MAPRE2: variants seen among roughly 807,000 people sequenced by gnomAD.
The protein encoded by MAPRE2 is microtubule associated protein RP/EB family member 2.
A neutral mutation model predicts 43.2 loss-of-function variants in MAPRE2; 13 were observed. The ratio of observed to expected loss-of-function variants is 0.30; its 90% CI spans 0.20 to 0.48. The LOEUF (loss-of-function observed/expected upper bound fraction) is 0.48. Ranked by LOEUF, MAPRE2 falls within the 20% of genes least tolerant of loss-of-function variation. MAPRE2 has a pLI of 0.99. For missense variants in MAPRE2, 161 were observed against 400.2 expected, an observed-to-expected ratio of 0.40 and a Z score of 5.10; for synonymous variants, 135 against 148.8, an observed-to-expected ratio of 0.91 and a Z score of 0.68.
At chr18:34,996,154 A>T (rs1358062539) in intron 1 of MAPRE2, among the ~76,000 whole-genome samples, 1 of 152,118 alleles carries the variant, frequency 6.6e-6, no homozygotes, top group African/African-American at 2.4e-5. Context: ...CCTGCTGTCA[A>T]TATCATTGCC....
intron 1 of MAPRE2, chr18:35,005,476 A>G (rs781514413): frequency 1.2e-5 from 18 of 1,497,512 alleles, no homozygotes; most frequent in Non-Finnish European, 9.0e-7. Context: ...TTTTTCTTCC[A>G]TTTTTACTAT....
intron 4 of MAPRE2, among the ~76,000 whole-genome samples, chr18:35,112,479 T>A (rs1289137598): frequency 1.3e-5 from 2 of 152,148 alleles, no homozygotes; most frequent in African/African-American, 4.8e-5. Flanking sequence ...CAGAACATTG[T>A]TTCTTTTACC....
intron 2 of MAPRE2, among the ~76,000 whole-genome samples, chr18:35,030,655 G>C (rs1394355808): frequency 6.6e-6 from 1 of 152,168 alleles, no homozygotes; most frequent in African/African-American, 2.4e-5. Context: ...TGTGATTAGA[G>C]AATATTCCAC....
At chr18:35,018,939 T>C (rs1451651416) in intron 2 of MAPRE2, among the ~76,000 whole-genome samples, 1 of 151,940 alleles carries the variant, frequency 6.6e-6, no homozygotes, top group Non-Finnish European at 1.5e-5. Flanking sequence ...GTCCTTCTTT[T>C]TGAGGTAGGC....
intron 1 of MAPRE2, among the ~76,000 whole-genome samples, chr18:35,063,922 C>T (rs1272340716): frequency 2.1e-5 from 3 of 145,008 alleles, no homozygotes; most frequent in Non-Finnish European, 4.5e-5. Flanking sequence ...TGCTTTAGCC[C>T]AGGAGATTGA....
chr18:35,013,180 G>A (rs8097686), intron 2 of MAPRE2, among the ~76,000 whole-genome samples: 14 of 152,070 alleles, frequency 9.2e-5, no homozygotes, highest in Non-Finnish European at 2.1e-4. Context: ...AGTTGAGGAG[G>A]AAGGGAGAAA....
intron 4 of MAPRE2, among the ~76,000 whole-genome samples, chr18:35,104,920 C>G (rs953288521): frequency 2.6e-5 from 4 of 151,916 alleles, no homozygotes; most frequent in Non-Finnish European, 5.9e-5. Context: ...AGCTTGGACT[C>G]GAAACTCAAC....
chr18:35,120,997 C>T (rs1031345329), intron 4 of MAPRE2, among the ~76,000 whole-genome samples: 8 of 152,052 alleles, frequency 5.3e-5, no homozygotes, highest in South Asian at 2.1e-4. Context: ...TGTGTGCACA[C>T]GCTCATGTTT....
intron 1 of MAPRE2, among the ~76,000 whole-genome samples, chr18:34,982,467 G>A (rs2097016929): frequency 6.6e-6 from 1 of 152,014 alleles, no homozygotes; most frequent in Non-Finnish European, 1.5e-5. Context: ...TGGAGGCCAC[G>A]AAGAATAAAT....
intron 1 of MAPRE2, among the ~76,000 whole-genome samples, chr18:34,980,023 C>CTTTTTTTTTTTTTTTTTTTTT (rs1450524683): frequency 2.3e-5 from 3 of 132,502 alleles, no homozygotes; most frequent in Admixed American, 7.5e-5. Context: ...TTTTCTTTTT[C>CTTTTTTTTTTTTTTTTTTTTT]TTTTTTTCTT....
intron 1 of MAPRE2, among the ~76,000 whole-genome samples, chr18:34,977,613 G>A (rs1278292856): frequency 6.6e-6 from 1 of 152,200 alleles, no homozygotes; most frequent in Non-Finnish European, 1.5e-5. Context: ...AGCATCCCCT[G>A]GACCCCGGGC....
rs1358506392 is a variant in MAPRE2 at position 34,999,938 on chromosome 18, T to G, written c.-69-5554T>G. On this transcript the variant is annotated intron_variant, in intron 1 of 7. Transcript: ENST00000413393. The stretch of plus-strand genomic sequence containing the variant: ...GGCCCTGAGCCCAACCCAAGACCAT[T>G]AATTGAGGCAGTGCGTGGCGGCGGA... 2.0e-5 allele frequency among the ~76,000 whole-genome samples: 3 copies of G among 151,668 alleles called. No individual in the cohort carries two copies. The South Asian group carries it at 6.3e-4, about 32-fold the overall frequency.
At chr18:35,020,539 T>C (rs1476506935) in intron 2 of MAPRE2, among the ~76,000 whole-genome samples, 1 of 130,476 alleles carries the variant, frequency 7.7e-6, no homozygotes, top group Non-Finnish European at 1.7e-5. Context: ...AGAAAAGCTT[T>C]CCTTGGCTTG....
chr18:35,036,636 G>T (rs371221984), upstream of MAPRE2, among the ~76,000 whole-genome samples: 2 of 152,062 alleles, frequency 1.3e-5, no homozygotes, highest in African/African-American at 4.8e-5. Context: ...CCTCTACACT[G>T]CCATTCCTCT....
At chr18:35,014,230 G>A (rs368232083) in intron 2 of MAPRE2, among the ~76,000 whole-genome samples, 17 of 152,130 alleles carry the variant, frequency 1.1e-4, no homozygotes, top group South Asian at 6.2e-4. Context: ...TGGTAGGGTC[G>A]GAGATATAAG....
At chr18:35,116,792 G>A (rs1238746654) in intron 4 of MAPRE2, among the ~76,000 whole-genome samples, 2 of 152,164 alleles carry the variant, frequency 1.3e-5, no homozygotes, top group Admixed American at 6.5e-5. Flanking sequence ...TGTTCTGTGG[G>A]TTAGAGTCAG....
At chr18:35,004,698 G>A (rs1156452941) in intron 1 of MAPRE2, among the ~76,000 whole-genome samples, 3 of 152,152 alleles carry the variant, frequency 2.0e-5, no homozygotes, top group East Asian at 3.9e-4. Context: ...CAGGCGGATC[G>A]CGAGGTCAGG....
At chr18:35,016,005 C>A (rs922725914) in intron 2 of MAPRE2, among the ~76,000 whole-genome samples, 1 of 151,854 alleles carries the variant, frequency 6.6e-6, no homozygotes, top group Admixed American at 6.6e-5. Flanking sequence ...ATCTTTATGT[C>A]CATAAGTACC....
Position 35,142,323 on chromosome 18 carries a change from T to C in MAPRE2, c.*1954T>C, listed in dbSNP as rs1910693523. 6.6e-6 allele frequency: 1 copy of C among 152,294 alleles called. No individual in the cohort carries two copies. The highest frequency in any genetic ancestry group is 2.4e-5 in the African/African-American group (1 of 41,456). The allele number at this position is 152,294 out of a possible 1,614,324, so 9.4% of individuals were successfully genotyped here. A position where few individuals can be genotyped will look rare whatever the true frequency, so the allele number is the denominator to read the frequency against. The stretch of plus-strand genomic sequence containing the variant: ...TGATACTGCAGTGGTTCCTAGGCCA[T>C]TCTTCATCTGCTCTGGACATCTCAG... On this transcript the variant is annotated 3_prime_UTR_variant, in exon 7 of 7. Coordinates refer to ENST00000300249, the MANE Select transcript of MAPRE2 (RefSeq NM_014268.4).
Sources: allele counts gnomAD v4.1 joint callset (sites outside exome capture counted in the v4.1 genomes callset), GRCh38; gene constraint gnomAD v4.1.1; transcripts MANE v1.5; gene names NCBI Gene and HGNC (gene_info 2026-07-23, HGNC 2026-07-21).